Variants in PLCB4 observed in about 807,000 individuals in gnomAD.
PLCB4 encodes phospholipase C beta 4.
In PLCB4, 77 loss-of-function variants were observed where a neutral mutation model predicts 178.8. The observed-to-expected ratio is 0.43, with a 90% CI of 0.36 to 0.52. The LOEUF is 0.52. Ranked by LOEUF, PLCB4 falls within the 20% of genes least tolerant of loss-of-function variation. The pLI, the probability that PLCB4 is intolerant of heterozygous loss-of-function variation, is 0.00. For synonymous variants in PLCB4, 496 were observed against 490.8 expected (o/e 1.01, Z -0.14); for missense variants, 1,024 against 1,453.4 (o/e 0.70, Z 4.80).
At chr20:9,333,063 G>A (rs2031929111) in intron 4 of PLCB4, among the ~76,000 whole-genome samples, 1 of 152,174 alleles carries the variant, frequency 6.6e-6, no homozygotes, top group African/African-American at 2.4e-5. Flanking sequence ...TCCTTGTTGG[G>A]TTCTGGGCCT....
intron 14 of PLCB4, among the ~76,000 whole-genome samples, chr20:9,386,735 C>T (rs145847687): frequency 0.064 from 9,717 of 151,366 alleles, 362 homozygotes; most frequent in African/African-American, 0.088. Context: ...TGTATACATG[C>T]GCCATGTTGG....
At chr20:9,236,925 G>C (rs1401530224) in intron 3 of PLCB4, among the ~76,000 whole-genome samples, 1 of 152,150 alleles carries the variant, frequency 6.6e-6, no homozygotes, top group Non-Finnish European at 1.5e-5. Context: ...GATTACTCTT[G>C]TTATGTGTTG....
chr20:9,364,130 T>C (rs1349838355), intron 8 of PLCB4, among the ~76,000 whole-genome samples: 1 of 152,238 alleles, frequency 6.6e-6, no homozygotes, highest in African/African-American at 2.4e-5. Flanking sequence ...TTTAGTCTTA[T>C]CTATTTCTAT....
intron 1 of PLCB4, among the ~76,000 whole-genome samples, chr20:9,093,969 A>C (rs6133662): frequency 0.47 from 70,774 of 151,926 alleles, 17,296 homozygotes; most frequent in Middle Eastern, 0.55. Context: ...CAGATCACTG[A>C]GCTAGGATAA....
chr20:9,453,175 CA>C (rs1003637077), intron 32 of PLCB4, among the ~76,000 whole-genome samples, 171 bp from the exon 33 acceptor site: 4 of 152,074 alleles, frequency 2.6e-5, no homozygotes, highest in African/African-American at 9.7e-5. Context: ...TGCCCTTGGA[CA>C]AAAAAACCGG....
At chr20:9,377,664 A>G (rs1031519022) in intron 12 of PLCB4, among the ~76,000 whole-genome samples, 9 of 152,158 alleles carry the variant, frequency 5.9e-5, no homozygotes, top group Non-Finnish European at 1.2e-4. Context: ...ATAGGGGATT[A>G]TGATACATCC....
chr20:9,171,319 T>C (rs949484701), intron 2 of PLCB4, among the ~76,000 whole-genome samples: 3 of 152,194 alleles, frequency 2.0e-5, no homozygotes, highest in Non-Finnish European at 2.9e-5. Context: ...GTAGACAGTT[T>C]ACGTTTCCTT....
At chr20:9,283,849 T>A (rs78662552) in intron 3 of PLCB4, among the ~76,000 whole-genome samples, 1 of 151,920 alleles carries the variant, frequency 6.6e-6, no homozygotes, top group Admixed American at 6.6e-5. Flanking sequence ...CCCTTTCTAT[T>A]ATATTTTTTA....
At chr20:9,139,981 G>A (rs1041725189) in intron 2 of PLCB4, among the ~76,000 whole-genome samples, 21 of 152,110 alleles carry the variant, frequency 1.4e-4, no homozygotes, top group African/African-American at 4.1e-4. Context: ...GTGCCTGGCC[G>A]TTCCTCTGAG....
intron 2 of PLCB4, among the ~76,000 whole-genome samples, chr20:9,143,941 A>G (rs529350877): frequency 4.6e-5 from 7 of 152,136 alleles, no homozygotes; most frequent in Non-Finnish European, 8.8e-5. Flanking sequence ...AAATGAGAAG[A>G]ATAAACAGTC....
intron 2 of PLCB4, among the ~76,000 whole-genome samples, chr20:9,210,613 A>G (rs1200549235): frequency 6.6e-6 from 1 of 152,164 alleles, no homozygotes. Flanking sequence ...TTGCCACATC[A>G]TCCAAATTTC....
intron 3 of PLCB4, among the ~76,000 whole-genome samples, chr20:9,237,184 G>C (rs1044225638): frequency 1.3e-5 from 2 of 152,004 alleles, no homozygotes; most frequent in Non-Finnish European, 2.9e-5. Flanking sequence ...ACAAATCCTA[G>C]GTCAAGACTT....
intron 2 of PLCB4, among the ~76,000 whole-genome samples, chr20:9,154,148 C>T (rs1040185282): frequency 2.6e-5 from 4 of 152,000 alleles, no homozygotes; most frequent in South Asian, 2.1e-4. Context: ...ACATGTGCAG[C>T]GAGGAGGGAT....
In PLCB4 at chr20:9,408,645, A is replaced by G. The variant is rs756656795; in HGVS notation, c.1802A>G (p.His601Arg). ...GFHVAEERNI[H>R]YNMSSFNESV... ...TTTTCTTTTACAGAACGCAATATTC[A>G]TTATAACATGTCTTCTTTTAATGAA... The change falls in exon 23 of 40, where the codon CAT becomes CGT. Residue 601 changes from histidine to arginine, a missense_variant. This residue lies in a region of PLCB4 where 263 missense variants were observed against 417.4 expected (regional missense o/e 0.63). Coordinates refer to ENST00000378473, the MANE Select transcript of PLCB4 (RefSeq NM_001377142.1). 6.4e-7 allele frequency: 1 copy of G among 1,567,174 alleles called. No individual in the cohort carries two copies. The highest frequency in any genetic ancestry group is 8.8e-7 in the Non-Finnish European group (1 of 1,137,622).
intron 27 of PLCB4, among the ~76,000 whole-genome samples, chr20:9,422,732 TC>T (rs1486025618): frequency 2.0e-5 from 3 of 152,246 alleles, no homozygotes; most frequent in Non-Finnish European, 4.4e-5. Flanking sequence ...AACTTTGTTT[TC>T]TTTCTTGTCA....
chr20:9,087,025 T>C (rs1470300791), intron 1 of PLCB4, among the ~76,000 whole-genome samples: 1 of 152,230 alleles, frequency 6.6e-6, no homozygotes, highest in African/African-American at 2.4e-5. Flanking sequence ...TTGCATGATA[T>C]AACTTTTTTC....
chr20:9,408,046 C>T lies in PLCB4; in HGVS notation c.1777C>T (p.His593Tyr). The T allele has an allele frequency of 3.1e-6, 5 of 1,612,964 alleles. No homozygotes were observed. The highest frequency in any genetic ancestry group is 4.2e-6 in the Non-Finnish European group (5 of 1,179,528). Residue 593 changes from histidine to tyrosine, a missense_variant, in exon 22 of 40, where the codon CAT becomes TAT. By Grantham distance (83) the His-to-Tyr change is moderately conservative (BLOSUM62 2). This residue lies in a region of PLCB4 where 263 missense variants were observed against 417.4 expected (regional missense o/e 0.63). Transcript: ENST00000378473. ...CCAGCCTGTAAAGTTTCAAGGTTTC[C>T]ATGTGGCAGAAGGTAACACCAAAGG... ...YAQPVKFQGF[H>Y]VAEERNIHYN...
chr20:9,184,758 C>A (rs914244301), intron 2 of PLCB4, among the ~76,000 whole-genome samples: 3 of 152,030 alleles, frequency 2.0e-5, no homozygotes, highest in Admixed American at 2.0e-4. Flanking sequence ...ATAACACACG[C>A]ATCTAGGAGC....
At chr20:9,279,528 G>A (rs1418284914) in intron 3 of PLCB4, among the ~76,000 whole-genome samples, 1 of 151,940 alleles carries the variant, frequency 6.6e-6, no homozygotes, top group Non-Finnish European at 1.5e-5. Flanking sequence ...TAGCCAGAGA[G>A]AACAATAGGG....
Sources: gnomAD v4.1 joint callset for allele counts (sites outside exome capture counted in the v4.1 genomes callset) on GRCh38, gnomAD v4.1.1 for gene constraint, gnomAD v4.1.1 regional missense constraint, MANE v1.5 for transcripts, NCBI Gene and HGNC (gene_info 2026-07-23, HGNC 2026-07-21) for gene names.